ZNF573: variants seen among roughly 807,000 people sequenced by gnomAD.
ZNF573 encodes the protein zinc finger protein 573.
In ZNF573, 41 loss-of-function variants were observed where a neutral mutation model predicts 57.4. That is an observed-to-expected ratio of 0.71 (90% confidence interval 0.56 to 0.93). The LOEUF (loss-of-function observed/expected upper bound fraction) is 0.93. Ranked by LOEUF, ZNF573 falls within the 40% of genes least tolerant of loss-of-function variation. The pLI, the probability that ZNF573 is intolerant of heterozygous loss-of-function variation, is 0.00. For synonymous variants in ZNF573, 249 were observed against 261.0 expected (o/e 0.95, Z 0.44); for missense variants, 730 against 794.8 (o/e 0.92, Z 0.98).
chr19:37,777,093 C>G (rs898689233), intron 1 of ZNF573, among the ~76,000 whole-genome samples: 2 of 152,180 alleles, frequency 1.3e-5, no homozygotes, highest in African/African-American at 4.8e-5. Context: ...CCTTAAAAAA[C>G]TAAAAGTAGA....
intron 4 of ZNF573, among the ~76,000 whole-genome samples, chr19:37,747,711 CT>C (rs984091190): frequency 4.3e-4 from 63 of 146,796 alleles, no homozygotes; most frequent in East Asian, 4.0e-4. Flanking sequence ...TACAGTCTTT[CT>C]TTTTTTTTTT....
At chr19:37,748,464 C>A (rs941809395) in intron 4 of ZNF573, among the ~76,000 whole-genome samples, 1 of 149,772 alleles carries the variant, frequency 6.7e-6, no homozygotes, top group Non-Finnish European at 1.5e-5. Flanking sequence ...CAAAAACGAT[C>A]ATTACGCACT....
At chr19:37,757,256 G>A (rs188260442) in intron 4 of ZNF573, among the ~76,000 whole-genome samples, 7 of 151,980 alleles carry the variant, frequency 4.6e-5, no homozygotes, top group African/African-American at 9.7e-5. Context: ...GAGTACAGTC[G>A]CATGATCTTG....
intron 4 of ZNF573, among the ~76,000 whole-genome samples, chr19:37,749,192 G>A (rs2045410810): frequency 1.3e-5 from 2 of 151,762 alleles, no homozygotes; most frequent in South Asian, 4.1e-4. Flanking sequence ...GAAGAAAGGT[G>A]CATATATACA....
At position 37,739,003 on chromosome 19, in the gene ZNF573, T is replaced by G; in HGVS notation, c.1487A>C (p.Lys496Thr). 6.2e-7 allele frequency: 1 copy of G among 1,613,846 alleles called. No homozygotes were observed. Among genetic ancestry groups the G allele is most frequent in the East Asian group, 2.2e-5 (1 of 44,868 alleles). ...IQHRKTHTGEKPYKCKECGKT... is the reference protein window; with the variant it reads ...IQHRKTHTGETPYKCKECGKT... ...GCCACATTCCTTACATTTATAGGGT[T>G]TCTCACCAGTATGAGTTTTCCGATG... Residue 496 changes from lysine to threonine, a missense_variant, in exon 5 of 5, where the codon AAA becomes ACA. Physicochemically the swap from Lys to Thr is moderately conservative, Grantham distance 78 (BLOSUM62 -1). Coordinates refer to ENST00000536220, the MANE Select transcript of ZNF573 (RefSeq NM_001172690.2).
Position 37,754,538 on chromosome 19 carries a change from T to A in ZNF573, c.296-14344A>T, listed in dbSNP as rs572770578. On this transcript the variant is annotated intron_variant, in intron 4 of 4. Coordinates refer to ENST00000536220, the MANE Select transcript of ZNF573 (RefSeq NM_001172690.2). The stretch of plus-strand genomic sequence containing the variant: ...CCACCTCAAAAAAAAAAAAAAAAAA[T>A]GAAACCAGAAAGCATAATACAAAAA... Among the ~76,000 whole-genome samples, 309 of 121,350 alleles carry A rather than the reference T, an allele frequency of 2.5e-3. 3 individuals are homozygous for A. Among genetic ancestry groups the A allele is most frequent in the African/African-American group, 7.6e-3 (207 of 27,372 alleles). 79.6% of individuals were successfully genotyped at this position (121,350 alleles called of 152,430 possible). A position where few individuals can be genotyped will look rare whatever the true frequency, so the allele number is the denominator to read the frequency against.
chr19:37,775,012 CT>C (rs969290182), intron 1 of ZNF573, among the ~76,000 whole-genome samples: 61 of 132,114 alleles, frequency 4.6e-4, no homozygotes, highest in East Asian at 6.6e-4. Flanking sequence ...AACTCTCTCT[CT>C]TTTTTTTTTT....
At chr19:37,768,563 T>C (rs1382134345) in intron 4 of ZNF573, among the ~76,000 whole-genome samples, 2 of 152,228 alleles carry the variant, frequency 1.3e-5, no homozygotes, top group East Asian at 1.9e-4. Context: ...CCAAAGAAGC[T>C]GTCCCCAGCC....
chr19:37,773,645 G>T lies in ZNF573; in HGVS notation c.69+16C>A. 1 of 1,530,188 alleles carries T rather than the reference G, an allele frequency of 6.5e-7. No homozygotes were observed. Among genetic ancestry groups the T allele is most frequent in the South Asian group, 1.2e-5 (1 of 83,724 alleles). 94.8% of individuals were successfully genotyped at this position (1,530,188 alleles called of 1,614,324 possible). A position where few individuals can be genotyped will look rare whatever the true frequency, so the allele number is the denominator to read the frequency against. On this transcript the variant is annotated intron_variant, in intron 2 of 4. Transcript: ENST00000536220. ...ATGATCATGATATTGCAAGGAAACA[G>T]AATTAATCAACTTACACAGGTCATG...
At chr19:37,779,482 T>C (rs553845092) in intron 1 of ZNF573, 62 bp downstream of exon 1, 2 of 152,378 alleles carry the variant, frequency 1.3e-5, no homozygotes, top group Non-Finnish European at 2.9e-5. Context: ...GTAACTTGAT[T>C]GCCCAGAGCC....
At chr19:37,757,448 C>T (rs1259438357) in intron 4 of ZNF573, among the ~76,000 whole-genome samples, 4 of 152,180 alleles carry the variant, frequency 2.6e-5, no homozygotes, top group Admixed American at 2.6e-4. Context: ...CTGCCTGCCT[C>T]AGACTCCCAA....
At position 37,739,972 on chromosome 19, in the gene ZNF573, C is replaced by T. The variant is rs1052640758; in HGVS notation, c.518G>A (p.Ser173Asn). 1 of 1,614,126 alleles carries T rather than the reference C, an allele frequency of 6.2e-7. No individual in the cohort carries two copies. The highest frequency in any genetic ancestry group is 1.7e-5 in the Admixed American group (1 of 60,016). Residue 173 changes from serine to asparagine, a missense_variant, in exon 5 of 5, where the codon AGT becomes AAT. Transcript: ENST00000536220. ...TTGATGTAGAGTAAGTTGATAGCCA[C>T]TACGAAAGTTCTTCCCACACTCTTT... ...ECKECGKNFRSGYQLTLHQRF... is the reference protein window; with the variant it reads ...ECKECGKNFRNGYQLTLHQRF...
chr19:37,747,903 G>A (rs1006124396), intron 4 of ZNF573, among the ~76,000 whole-genome samples: 3 of 152,000 alleles, frequency 2.0e-5, no homozygotes, highest in African/African-American at 7.3e-5. Flanking sequence ...ATCCAGGATG[G>A]TCTCGATCTC....
chr19:37,754,598 G>A (rs181413179), intron 4 of ZNF573, among the ~76,000 whole-genome samples: 1 of 148,920 alleles, frequency 6.7e-6, no homozygotes, highest in African/African-American at 2.5e-5. Context: ...ATGTAAAAAT[G>A]TGAAAGTCTC....
At chr19:37,768,392 GCTCT>G (rs1009376843) in intron 4 of ZNF573, among the ~76,000 whole-genome samples, 1 of 152,078 alleles carries the variant, frequency 6.6e-6, no homozygotes, top group African/African-American at 2.4e-5. Context: ...AACTCACATA[GCTCT>G]CTCTATTACC....
rs2145323132 is a variant in ZNF573, at chr19:37,767,705, C to T, written c.295+2300G>A. On this transcript the variant is annotated intron_variant, in intron 4 of 4. Transcript: ENST00000536220. ...CAGATACATAAGCCTCTTGACCCCTCTACTTATTTAGAGGATATAGAGGGG... is the reference window on the plus strand; with the variant it reads ...CAGATACATAAGCCTCTTGACCCCTTTACTTATTTAGAGGATATAGAGGGG... Among the ~76,000 whole-genome samples, 4 of 152,248 alleles carry T rather than the reference C, an allele frequency of 2.6e-5. 1 individual carries two copies. The highest frequency in any genetic ancestry group is 2.6e-4 in the Admixed American group (4 of 15,294).
At chr19:37,761,963 C>A (rs1306832902) in intron 4 of ZNF573, among the ~76,000 whole-genome samples, 1 of 152,112 alleles carries the variant, frequency 6.6e-6, no homozygotes, top group East Asian at 1.9e-4. Flanking sequence ...CGGACAGATA[C>A]AATTATGAAA....
At chr19:37,750,412 C>G (rs940776429) in intron 4 of ZNF573, among the ~76,000 whole-genome samples, 2 of 152,042 alleles carry the variant, frequency 1.3e-5, no homozygotes, top group African/African-American at 4.8e-5. Flanking sequence ...TAATGAAAAA[C>G]AAAATTGCAA....
intron 1 of ZNF573, among the ~76,000 whole-genome samples, chr19:37,774,827 T>C (rs1039364509): frequency 6.6e-6 from 1 of 152,226 alleles, no homozygotes. Context: ...ACTTTTCTTT[T>C]AGTTGCTATC....
Sources: allele counts gnomAD v4.1 joint callset (sites outside exome capture counted in the v4.1 genomes callset), GRCh38; gene constraint gnomAD v4.1.1; transcripts MANE v1.5; gene names NCBI Gene and HGNC (gene_info 2026-07-23, HGNC 2026-07-21).